The following STK3 variants were observed in gnomAD, a reference collection of about 807,000 sequenced individuals.
The protein encoded by STK3 is serine/threonine-protein kinase 3.
In STK3, 41 loss-of-function variants were observed where a neutral mutation model predicts 58.0. The ratio of observed to expected loss-of-function variants is 0.71; its 90% CI spans 0.55 to 0.92. STK3 has a LOEUF of 0.92. STK3 is among the 40% of genes least tolerant of loss of function. The probability of loss-of-function intolerance (pLI) is 0.00; values close to 1 mark genes in which losing one functional copy is unlikely to be tolerated. For missense variants in STK3, 479 were observed against 602.7 expected (o/e 0.79, Z 2.15); for synonymous variants, 170 against 191.0 (o/e 0.89, Z 0.91).
At chr8:98,916,597 C>A (rs183630077) in intron 1 of STK3, among the ~76,000 whole-genome samples, 2 of 152,296 alleles carry the variant, frequency 1.3e-5, no homozygotes, top group Admixed American at 1.3e-4. Flanking sequence ...CCCTCCCTGT[C>A]TCCACTGGTT....
chr8:98,528,175 G>T (rs1825887218), intron 9 of STK3, among the ~76,000 whole-genome samples: 1 of 152,086 alleles, frequency 6.6e-6, no homozygotes, highest in Non-Finnish European at 1.5e-5. Flanking sequence ...CTCCAAACTA[G>T]TCTCCTTGCT....
intron 4 of STK3, among the ~76,000 whole-genome samples, chr8:98,740,465 T>C (rs1367669406): frequency 2.6e-5 from 4 of 152,232 alleles, no homozygotes; most frequent in South Asian, 4.2e-4. Flanking sequence ...AAAGAATTTT[T>C]AAACCAGAAT....
At chr8:98,510,982 A>G (rs929196959) in intron 10 of STK3, among the ~76,000 whole-genome samples, 1 of 152,112 alleles carries the variant, frequency 6.6e-6, no homozygotes, top group Non-Finnish European at 1.5e-5. Flanking sequence ...ATTAAAAACT[A>G]AAAAGGAGTT....
chr8:98,836,469 G>C (rs893846728), intron 3 of STK3, among the ~76,000 whole-genome samples: 3 of 152,116 alleles, frequency 2.0e-5, no homozygotes, highest in Admixed American at 2.0e-4. Flanking sequence ...CCACCTTCAG[G>C]GTTAGGATTT....
chr8:98,614,022 C>G (rs1817430816), intron 6 of STK3, among the ~76,000 whole-genome samples: 1 of 151,816 alleles, frequency 6.6e-6, no homozygotes, highest in Admixed American at 6.6e-5. Flanking sequence ...ATGTACCAAC[C>G]AACAAGCTAT....
intron 1 of STK3, among the ~76,000 whole-genome samples, chr8:98,821,403 A>G (rs1184925178): frequency 6.6e-6 from 1 of 151,962 alleles, no homozygotes; most frequent in Admixed American, 6.6e-5. Flanking sequence ...ATGGTTGGGG[A>G]TCTATGATTT....
chr8:98,911,121 AT>A (rs1564099018), intron 1 of STK3, among the ~76,000 whole-genome samples: 1 of 152,180 alleles, frequency 6.6e-6, no homozygotes, highest in Admixed American at 6.5e-5. Flanking sequence ...GTCACTGTTC[AT>A]TTTTTGTAGT....
chr8:98,729,933 C>T (rs1002564759), intron 4 of STK3, among the ~76,000 whole-genome samples: 4 of 152,206 alleles, frequency 2.6e-5, no homozygotes, highest in Non-Finnish European at 5.9e-5. Context: ...ACTACTTAAC[C>T]TCCATATGTT....
chr8:98,382,282 T>G (rs1817742516), intron 1 of STK3, among the ~76,000 whole-genome samples: 1 of 152,224 alleles, frequency 6.6e-6, no homozygotes, highest in South Asian at 2.1e-4. Context: ...TGGTGCTCCA[T>G]TTGCCTATTT....
chr8:98,649,784 T>G (rs867251270), intron 6 of STK3, among the ~76,000 whole-genome samples: 1 of 152,304 alleles, frequency 6.6e-6, no homozygotes, highest in Middle Eastern at 3.4e-3. Context: ...TTTAAACAAT[T>G]TTTGGTAAAA....
intron 1 of STK3, among the ~76,000 whole-genome samples, chr8:98,897,420 C>T (rs1366553123): frequency 6.6e-6 from 1 of 151,944 alleles, no homozygotes; most frequent in African/African-American, 2.4e-5. Flanking sequence ...ATTAACCGGG[C>T]GTGGTCACGG....
chr8:98,462,408 A>C (rs1448116540), intron 10 of STK3, among the ~76,000 whole-genome samples: 2 of 152,130 alleles, frequency 1.3e-5, no homozygotes, highest in African/African-American at 2.4e-5. Flanking sequence ...CCATTTTATC[A>C]TCTTACTCAT....
intron 1 of STK3, among the ~76,000 whole-genome samples, chr8:98,825,305 C>T (rs1346241737): frequency 6.6e-6 from 1 of 152,128 alleles, no homozygotes; most frequent in African/African-American, 2.4e-5. Flanking sequence ...GCCTGCCGGC[C>T]GCAGGGGAGG....
At chr8:98,478,891 A>G (rs146295492) in intron 10 of STK3, among the ~76,000 whole-genome samples, 6 of 152,190 alleles carry the variant, frequency 3.9e-5, no homozygotes, top group Middle Eastern at 3.4e-3. Flanking sequence ...TATACACTAT[A>G]TTTACGAGCT....
At position 98,904,793 on chromosome 8, in the gene STK3, G is replaced by A. The variant is rs112271282; in HGVS notation, c.-78-20959C>T. 3,153 of 665,706 alleles carry A rather than the reference G, an allele frequency of 4.7e-3. 68 individuals carry two copies. In the African/African-American group the frequency reaches 0.051, roughly 11 times the overall value. The allele number at this position is 665,706 out of a possible 1,614,324, so 41.2% of individuals were successfully genotyped here. On this transcript the variant is annotated intron_variant, in intron 1 of 1. Coordinates refer to the STK3 transcript ENST00000519420. ...AATAGGAGGAAGTGGTGGCCGGAGC[G>A]GCAGCCATAGTAGCTGAAGTGGCAG...
chr8:98,729,616 A>G (rs1828029947), intron 4 of STK3, among the ~76,000 whole-genome samples: 1 of 152,242 alleles, frequency 6.6e-6, no homozygotes, highest in Non-Finnish European at 1.5e-5. Flanking sequence ...CAAAATGCAA[A>G]GACACTTTTA....
chr8:98,803,891 C>G (rs1402455099), intron 1 of STK3, among the ~76,000 whole-genome samples: 1 of 152,010 alleles, frequency 6.6e-6, no homozygotes, highest in Non-Finnish European at 1.5e-5. Flanking sequence ...CAAGAGGCTC[C>G]CAATCTAGTG....
chr8:98,698,474 T>C (rs1825202815), intron 6 of STK3, among the ~76,000 whole-genome samples: 1 of 152,228 alleles, frequency 6.6e-6, no homozygotes, highest in Non-Finnish European at 1.5e-5. Context: ...GTCTTTACAA[T>C]TTGGCATGAT....
intron 1 of STK3, among the ~76,000 whole-genome samples, chr8:98,380,334 T>C (rs374966022): frequency 6.6e-6 from 1 of 152,102 alleles, no homozygotes; most frequent in African/African-American, 2.4e-5. Flanking sequence ...AAGCAAAAAA[T>C]AGAAAATACA....
Sources: gnomAD v4.1 joint callset for allele counts (sites outside exome capture counted in the v4.1 genomes callset) on GRCh38, gnomAD v4.1.1 for gene constraint, MANE v1.5 for transcripts, NCBI Gene and HGNC (gene_info 2026-07-23, HGNC 2026-07-21) for gene names.